The following FBXL13 variants were observed in gnomAD, a reference collection of about 807,000 sequenced individuals.
The protein encoded by FBXL13 is F-box and leucine rich repeat protein 13.
FBXL13 carries 67 observed loss-of-function variants against 83.6 expected under a neutral mutation model. That is an observed-to-expected ratio of 0.80 (90% confidence interval 0.66 to 0.98). The LOEUF (loss-of-function observed/expected upper bound fraction) is 0.98, where lower values mean the gene tolerates loss of function less well. FBXL13 is among the 50% of genes least tolerant of loss of function. The probability of loss-of-function intolerance (pLI) is 0.00; values close to 1 mark genes in which losing one functional copy is unlikely to be tolerated. For synonymous variants in FBXL13, 272 were observed against 299.5 expected, an observed-to-expected ratio of 0.91 and a Z score of 0.95; for missense variants, 822 against 866.5, an observed-to-expected ratio of 0.95 and a Z score of 0.64.
intron 1 of FBXL13, among the ~76,000 whole-genome samples, chr7:103,072,030 A>G (rs564466905): frequency 2.0e-5 from 3 of 152,078 alleles, no homozygotes; most frequent in African/African-American, 7.2e-5. Context: ...TAAAAATACA[A>G]AAATTAGCTG....
intron 19 of FBXL13, 114 bp from the exon 21 acceptor site, chr7:102,813,645 T>G (rs1177270993): frequency 7.6e-6 from 8 of 1,054,852 alleles, no homozygotes; most frequent in East Asian, 2.4e-5. Context: ...TGAATTCACA[T>G]GAGACCTCTC....
chr7:103,045,779 C>T (rs760032984), intron 2 of FBXL13, among the ~76,000 whole-genome samples: 5 of 152,216 alleles, frequency 3.3e-5, no homozygotes, highest in Non-Finnish European at 5.9e-5. Context: ...AAAAGATTCC[C>T]CCCTTTTTGG....
chr7:103,054,427 AT>A (rs1467968910), intron 2 of FBXL13, among the ~76,000 whole-genome samples: 1 of 150,942 alleles, frequency 6.6e-6, no homozygotes, highest in East Asian at 2.0e-4. Context: ...GTTATCACAC[AT>A]GGTTCCACAC....
At chr7:102,955,782 G>C (rs955360489) in intron 8 of FBXL13, among the ~76,000 whole-genome samples, 3 of 151,982 alleles carry the variant, frequency 2.0e-5, no homozygotes, top group African/African-American at 7.2e-5. Context: ...AGAAAATCTA[G>C]AAGAAATGGA....
chr7:102,921,709 G>C (rs1167974531), intron 10 of FBXL13, among the ~76,000 whole-genome samples: 1 of 151,786 alleles, frequency 6.6e-6, no homozygotes, highest in East Asian at 1.9e-4. Context: ...AATAAAAGAA[G>C]CTCTGTTTTA....
intron 6 of FBXL13, among the ~76,000 whole-genome samples, chr7:102,979,478 G>C (rs141829511): frequency 4.0e-4 from 61 of 152,272 alleles, no homozygotes; most frequent in Middle Eastern, 3.4e-3. Context: ...CTTTTGTCAC[G>C]TAAGGTAACA....
intron 11 of FBXL13, among the ~76,000 whole-genome samples, chr7:102,903,939 C>CT (rs1166655004): frequency 0.011 from 484 of 43,464 alleles, 7 homozygotes; most frequent in Middle Eastern, 0.031. Flanking sequence ...CTTTTCTTTT[C>CT]TTTTTTTTTT....
At position 103,069,104 on chromosome 7, in the gene FBXL13, C is replaced by G. The variant is rs188615879; in HGVS notation, c.-105+5142G>C. Among the ~76,000 whole-genome samples, 463 of 151,548 alleles carry G rather than the reference C, an allele frequency of 3.1e-3. 8 individuals are homozygous for G. The highest frequency in any genetic ancestry group is 0.025 in the Admixed American group (380 of 15,246). On this transcript the variant is annotated intron_variant, in intron 1 of 19. Coordinates refer to ENST00000313221, the Ensembl canonical transcript of FBXL13. Reference sequence around the variant, plus strand: ...ACCACCTGGGAAGTGAGGAGCACCTCTGCCTGGCTGTCGCCCCCTCTGGGA... The same window carrying G: ...ACCACCTGGGAAGTGAGGAGCACCTGTGCCTGGCTGTCGCCCCCTCTGGGA...
Position 102,834,072 on chromosome 7 carries a change from GGAAGGAAGGAAA to G in FBXL13, c.1720-1110_1720-1099del, listed in dbSNP as rs1199729394. Among the ~76,000 whole-genome samples the G allele has an allele frequency of 2.7e-4, 30 of 109,312 alleles. 1 individual carries two copies. The highest frequency in any genetic ancestry group is 3.1e-4 in the Admixed American group (3 of 9,636). 71.7% of individuals were successfully genotyped at this position (109,312 alleles called of 152,430 possible). ...AGGAAGGAAGGAAGGAAGGAAGGAA[GGAAGGAAGGAAA>G]GAAAAGAAAGAAAGAAAGAAAGAAA... On this transcript the variant is annotated intron_variant, in intron 17 of 19. Coordinates refer to ENST00000313221, the Ensembl canonical transcript of FBXL13.
intron 6 of FBXL13, among the ~76,000 whole-genome samples, chr7:103,008,834 A>G (rs1791270957): frequency 6.6e-6 from 1 of 152,226 alleles, no homozygotes; most frequent in Non-Finnish European, 1.5e-5. Context: ...CTGGGATTAC[A>G]GGCGTGAGCC....
intron 6 of FBXL13, among the ~76,000 whole-genome samples, chr7:103,000,794 T>C (rs575070180): frequency 7.9e-5 from 12 of 152,358 alleles, no homozygotes; most frequent in Non-Finnish European, 1.2e-4. Context: ...ATATTTACAA[T>C]TGTTATATCT....
At chr7:102,945,762 G>A (rs964356062) in intron 8 of FBXL13, among the ~76,000 whole-genome samples, 1 of 152,184 alleles carries the variant, frequency 6.6e-6, no homozygotes, top group African/African-American at 2.4e-5. Flanking sequence ...TTCATGCTGA[G>A]TTGAATACAT....
At chr7:103,024,847 A>AT in intron 6 of FBXL13, among the ~76,000 whole-genome samples, 4 of 106,344 alleles carry the variant, frequency 3.8e-5, no homozygotes, top group African/African-American at 1.8e-4. Flanking sequence ...ATATATATAT[A>AT]TATATATATA....
chr7:102,830,518 A>G (rs542701167), intron 18 of FBXL13, among the ~76,000 whole-genome samples: 2 of 152,354 alleles, frequency 1.3e-5, no homozygotes, highest in East Asian at 3.9e-4. Flanking sequence ...GATGCTGACC[A>G]GAAAGACATC....
At chr7:103,003,875 C>T (rs996368698) in intron 6 of FBXL13, among the ~76,000 whole-genome samples, 1 of 152,230 alleles carries the variant, frequency 6.6e-6, no homozygotes, top group Non-Finnish European at 1.5e-5. Context: ...CCATGCCCAT[C>T]TCTTCTGTTT....
chr7:102,983,727 C>T (rs953697235), intron 6 of FBXL13, among the ~76,000 whole-genome samples: 1 of 151,950 alleles, frequency 6.6e-6, no homozygotes, highest in Admixed American at 6.6e-5. Context: ...AGCAAGAAAC[C>T]CATTCTTTCC....
chr7:102,884,772 T>C (rs1413427576), intron 11 of FBXL13, among the ~76,000 whole-genome samples: 1 of 152,264 alleles, frequency 6.6e-6, no homozygotes, highest in East Asian at 1.9e-4. Context: ...GGAAATCCTG[T>C]ACCCATTAAG....
At chr7:103,034,077 C>T (rs1321251560) in intron 2 of FBXL13, among the ~76,000 whole-genome samples, 1 of 152,190 alleles carries the variant, frequency 6.6e-6, no homozygotes, top group African/African-American at 2.4e-5. Flanking sequence ...TGTTTACAAA[C>T]CTTGAGCTAG....
intron 8 of FBXL13, among the ~76,000 whole-genome samples, chr7:102,950,624 G>C (rs1013676199): frequency 6.6e-6 from 1 of 152,068 alleles, no homozygotes; most frequent in African/African-American, 2.4e-5. Flanking sequence ...TCTTTCAAGA[G>C]GTGAATTAAT....
Sources: allele counts gnomAD v4.1 joint callset (sites outside exome capture counted in the v4.1 genomes callset), GRCh38; gene constraint gnomAD v4.1.1; transcripts MANE v1.5; gene names NCBI Gene and HGNC (gene_info 2026-07-23, HGNC 2026-07-21).